CEP83: variants seen among roughly 807,000 people sequenced by gnomAD.
CEP83 encodes centrosomal protein of 83 kDa.
CEP83 carries 70 observed loss-of-function variants against 101.9 expected under a neutral mutation model. That is an observed-to-expected ratio of 0.69 (90% CI 0.57 to 0.84). The LOEUF is 0.84. CEP83 is among the 40% of genes least tolerant of loss of function. The pLI, the probability that CEP83 is intolerant of heterozygous loss-of-function variation, is 0.00. For missense variants in CEP83, 715 were observed against 787.2 expected (o/e 0.91, Z 1.10); for synonymous variants, 264 against 267.9 (o/e 0.99, Z 0.14).
chr12:94,433,013 C>A (rs959281946), intron 2 of CEP83, among the ~76,000 whole-genome samples: 1 of 152,076 alleles, frequency 6.6e-6, no homozygotes, highest in Non-Finnish European at 1.5e-5. Context: ...CTAAAATTAA[C>A]AAAGGGATGC....
intron 4 of CEP83, among the ~76,000 whole-genome samples, chr12:94,405,710 A>G (rs2063495900): frequency 6.6e-6 from 1 of 152,214 alleles, no homozygotes; most frequent in South Asian, 2.1e-4. Flanking sequence ...GACACAAAAC[A>G]TAGAAGATAA....
intron 6 of CEP83, among the ~76,000 whole-genome samples, chr12:94,392,779 A>AATT (rs1184700419): frequency 3.3e-5 from 5 of 152,190 alleles, no homozygotes; most frequent in Non-Finnish European, 5.9e-5. Context: ...TACAATAAAA[A>AATT]ATGATAAAGG....
intron 2 of CEP83, among the ~76,000 whole-genome samples, 168 bp from the exon 3 acceptor site, chr12:94,412,759 G>A (rs1437872955): frequency 4.2e-5 from 6 of 141,646 alleles, no homozygotes; most frequent in Middle Eastern, 7.1e-3. Context: ...GTGTGATCTC[G>A]GCTCACTGCA....
At chr12:94,460,157 C>T (rs1368327136), upstream of CEP83, 1 of 152,152 alleles carries the variant, frequency 6.6e-6, no homozygotes, top group East Asian at 1.9e-4. Flanking sequence ...CTCAGAGATC[C>T]CCAGAGCCCC....
rs1555220986 is a variant in CEP83 at position 94,331,303 on chromosome 12, A to AAAAAAAAAAG, written c.1707+396_1707+397insCTTTTTTTTT. Among the ~76,000 whole-genome samples, 419 of 124,472 alleles carry AAAAAAAAAAG rather than the reference A, an allele frequency of 3.4e-3. 11 individuals carry two copies. The highest frequency in any genetic ancestry group is 0.014 in the African/African-American group (413 of 29,846). 81.7% of individuals were successfully genotyped at this position (124,472 alleles called of 152,430 possible). ...TCAGACTCTCAGAAAAAAAAAAAAA[A>AAAAAAAAAAG]AAAAAAAAAAAAAGATTTAATTATA... On this transcript the variant is annotated intron_variant, in intron 14 of 16. Transcript: ENST00000397809.
At chr12:94,434,516 C>A (rs899642910) in intron 2 of CEP83, among the ~76,000 whole-genome samples, 6 of 151,976 alleles carry the variant, frequency 3.9e-5, no homozygotes, top group African/African-American at 1.5e-4. Flanking sequence ...TTAATGTGTA[C>A]AAGTATAATA....
At chr12:94,286,071 A>AGTCTTCACTGCAGACATCG in the CEP83 span, among the ~76,000 whole-genome samples, 6 of 152,346 alleles carry the variant, frequency 3.9e-5, no homozygotes, top group South Asian at 1.2e-3. Flanking sequence ...ATAGAACATC[A>AGTCTTCACTGCAGACATCG]GTCTTCACTG....
At chr12:94,349,097 C>T (rs2060081693) in intron 11 of CEP83, among the ~76,000 whole-genome samples, 1 of 151,916 alleles carries the variant, frequency 6.6e-6, no homozygotes, top group African/African-American at 2.4e-5. Flanking sequence ...ACCAGCCTGG[C>T]CAACATAGTG....
At chr12:94,280,375 G>A in the CEP83 span, among the ~76,000 whole-genome samples, 3 of 152,222 alleles carry the variant, frequency 2.0e-5, no homozygotes, top group Non-Finnish European at 4.4e-5. Context: ...GACAGACAGT[G>A]TAACGAGGTT....
chr12:94,279,825 G>A, the CEP83 span: 1 of 712,174 alleles, frequency 1.4e-6, no homozygotes, highest in Non-Finnish European at 2.6e-6. Context: ...GGTCTCTCAT[G>A]GGCATCCTGA....
chr12:94,371,409 G>C (rs2061303405), intron 8 of CEP83, among the ~76,000 whole-genome samples: 1 of 152,088 alleles, frequency 6.6e-6, no homozygotes, highest in Non-Finnish European at 1.5e-5. Context: ...AGGGGATTGG[G>C]GGCAGGAACA....
chr12:94,452,142 T>G (rs1354570849), intron 1 of CEP83, among the ~76,000 whole-genome samples: 1 of 152,114 alleles, frequency 6.6e-6, no homozygotes, highest in South Asian at 2.1e-4. Flanking sequence ...AAAGACAAAT[T>G]TATAGTGATA....
At chr12:94,392,510 A>G (rs2062612465) in intron 6 of CEP83, among the ~76,000 whole-genome samples, 2 of 152,252 alleles carry the variant, frequency 1.3e-5, no homozygotes, top group Admixed American at 1.3e-4. Flanking sequence ...GGAAATTTAT[A>G]GCACTAAATG....
the CEP83 span, among the ~76,000 whole-genome samples, chr12:94,275,649 C>T: frequency 6.2e-4 from 55 of 88,522 alleles, 12 homozygotes; most frequent in East Asian, 0.016. Context: ...GTCAGGAGAT[C>T]GAGACCATCC....
intron 6 of CEP83, among the ~76,000 whole-genome samples, chr12:94,395,713 C>G (rs1035368056): frequency 6.6e-6 from 1 of 151,934 alleles, no homozygotes; most frequent in African/African-American, 2.4e-5. Context: ...CCCAGCTACT[C>G]GGGAGGCTGA....
chr12:94,350,228 T>C (rs746331743), intron 11 of CEP83, among the ~76,000 whole-genome samples: 2 of 152,192 alleles, frequency 1.3e-5, no homozygotes, highest in Non-Finnish European at 2.9e-5. Context: ...TACTTCCTTA[T>C]TTCAAAATTT....
At chr12:94,436,667 C>T (rs1280108219) in intron 1 of CEP83, among the ~76,000 whole-genome samples, 3 of 151,850 alleles carry the variant, frequency 2.0e-5, no homozygotes. Flanking sequence ...CCCATCTCCA[C>T]TAAAAATACA....
chr12:94,396,987 A>C (rs2062940621), intron 6 of CEP83, among the ~76,000 whole-genome samples: 1 of 152,222 alleles, frequency 6.6e-6, no homozygotes, highest in South Asian at 2.1e-4. Flanking sequence ...TCATCTCACC[A>C]GGTTTTACTG....
chr12:94,387,404 A>G (rs970414675), intron 6 of CEP83, among the ~76,000 whole-genome samples: 1 of 152,178 alleles, frequency 6.6e-6, no homozygotes, highest in Admixed American at 6.5e-5. Flanking sequence ...ATGAGAATTT[A>G]ATGCCCTAAT....
Sources: gnomAD v4.1 joint callset for allele counts (sites outside exome capture counted in the v4.1 genomes callset) on GRCh38, gnomAD v4.1.1 for gene constraint, MANE v1.5 for transcripts, NCBI Gene and HGNC (gene_info 2026-07-23, HGNC 2026-07-21) for gene names.